Variants in LIPE observed in about 807,000 individuals in gnomAD.
LIPE encodes hormone-sensitive lipase.
LIPE carries 66 observed loss-of-function variants against 88.5 expected under a neutral mutation model. The observed-to-expected ratio is 0.75, with a 90% CI of 0.61 to 0.91. The LOEUF (loss-of-function observed/expected upper bound fraction) is 0.91, where lower values mean the gene tolerates loss of function less well. Among genes scored for constraint, LIPE ranks in the 40% least tolerant of loss-of-function variants. The pLI, the probability that LIPE is intolerant of heterozygous loss-of-function variation, is 0.00. For synonymous variants in LIPE, 570 were observed against 617.5 expected (o/e 0.92, Z 1.14); for missense variants, 1,346 against 1,434.7 (o/e 0.94, Z 1.00).
rs28448880 is a variant in LIPE, at chr19:42,414,096, C to G, written c.884-3254G>C. ...GATCGAGACCATCCTGGCCAACATGCTGAAACCCCGTCTCTACTAAAAATA... is the reference window on the plus strand; with the variant it reads ...GATCGAGACCATCCTGGCCAACATGGTGAAACCCCGTCTCTACTAAAAATA... On this transcript the variant is annotated intron_variant, in intron 1 of 9. Coordinates refer to ENST00000244289, the MANE Select transcript of LIPE (RefSeq NM_005357.4). The surrounding 1 kb of genome is among the most constrained non-coding windows in gnomAD (Gnocchi z 4.6). Among the ~76,000 whole-genome samples, 9,745 of 151,948 alleles carry G rather than the reference C, an allele frequency of 0.064. 975 individuals carry two copies. Among genetic ancestry groups the G allele is most frequent in the African/African-American group, 0.22 (9,028 of 41,396 alleles).
At chr19:42,424,400 C>T (rs563647305) in intron 1 of LIPE, 2 of 456,456 alleles carry the variant, frequency 4.4e-6, no homozygotes, top group African/African-American at 4.0e-5. Context: ...CCAACTGCTT[C>T]TGGACCGCCT....
At position 42,408,168 on chromosome 19, in the gene LIPE, TTGGGCAGGAG is replaced by T. The variant is rs1013306620; in HGVS notation, c.1510+54_1511-48del. The T allele has an allele frequency of 1.5e-5, 25 of 1,613,810 alleles. No individual in the cohort carries two copies. The highest frequency in any genetic ancestry group is 2.0e-5 in the Non-Finnish European group (24 of 1,179,940). ...AGGGAGCCCCAGTGGGTCAGGCTGC[TTGGGCAGGAG>T]TGGGGAGGAGGGCCAAGAGAGTAGG... On this transcript the variant is annotated intron_variant, in intron 3 of 9. Coordinates refer to ENST00000244289, the MANE Select transcript of LIPE (RefSeq NM_005357.4). The surrounding 1 kb of genome is among the most constrained non-coding windows in gnomAD (Gnocchi z 4.3).
At position 42,402,001 on chromosome 19, in the gene LIPE, C is replaced by T. The variant is rs745418144; in HGVS notation, c.3042G>A (p.Val1014=). The change falls in exon 10 of 10, where the codon GTG becomes GTA. Residue 1014 remains valine, a synonymous_variant. Transcript: ENST00000244289. ...GCAGGTCCTCCACCACGCGCAGCGT[C>T]ACCGGCTGGCCCAGGTTGCGCAGTC... ...ARRLRNLGQP[V]TLRVVEDLPH... is the part of the protein sequence containing the mutation. 33 of 1,552,646 alleles carry T rather than the reference C, an allele frequency of 2.1e-5. No individual in the cohort carries two copies. The highest frequency in any genetic ancestry group is 2.9e-5 in the Non-Finnish European group (33 of 1,150,752).
At chr19:42,423,863 C>T (rs1042456575) in intron 1 of LIPE, 90 of 1,124,720 alleles carry the variant, frequency 8.0e-5, no homozygotes, top group Non-Finnish European at 9.6e-5. Flanking sequence ...AGGGAAGTCC[C>T]GATCTTCCCA....
At chr19:42,420,009 CTT>C (rs201890153) in intron 1 of LIPE, among the ~76,000 whole-genome samples, 54 of 128,610 alleles carry the variant, frequency 4.2e-4, no homozygotes, top group Middle Eastern at 7.6e-3. Flanking sequence ...GATTTCTTTT[CTT>C]TTTTTTTTTT....
intron 9 of LIPE, among the ~76,000 whole-genome samples, chr19:42,402,309 C>T (rs1376665364): frequency 6.6e-6 from 1 of 151,960 alleles, no homozygotes; most frequent in East Asian, 1.9e-4. Context: ...CTCTCTCCAG[C>T]CTCTCCCTCC....
chr19:42,402,668 A>C lies in LIPE; in HGVS notation c.2906T>G (p.Phe969Cys), dbSNP rs921879163. Reference sequence around the variant, plus strand: ...GTCGGGTGCCAGCAGCGGCGACATGAAGGGGTTCTTGACTATGGGTGAGGA... The same window carrying C: ...GTCGGGTGCCAGCAGCGGCGACATGCAGGGGTTCTTGACTATGGGTGAGGA... ...LYSSPIVKNP[F>C]MSPLLAPDSM... Residue 969 changes from phenylalanine (F) to cysteine (C), a missense_variant, in exon 9 of 10, where the codon TTC becomes TGC. Phe to Cys is a radical substitution (Grantham distance 205, BLOSUM62 -2). Transcript: ENST00000244289. 8 of 1,500,122 alleles carry C rather than the reference A, an allele frequency of 5.3e-6. No individual in the cohort carries two copies. The highest frequency in any genetic ancestry group is 7.1e-6 in the Non-Finnish European group (8 of 1,122,630). 92.9% of individuals were successfully genotyped at this position (1,500,122 alleles called of 1,614,324 possible). A position where few individuals can be genotyped will look rare whatever the true frequency, so the allele number is the denominator to read the frequency against.
chr19:42,422,457 G>T (rs775782868), intron 1 of LIPE, among the ~76,000 whole-genome samples: 11 of 152,186 alleles, frequency 7.2e-5, no homozygotes, highest in Admixed American at 7.2e-4. Flanking sequence ...GCTCCAGTCC[G>T]TCTGCCCTCT....
chr19:42,420,663 C>G (rs2147664666), intron 1 of LIPE, among the ~76,000 whole-genome samples: 1 of 152,210 alleles, frequency 6.6e-6, no homozygotes, highest in Middle Eastern at 3.4e-3. Context: ...GGCCCTTCTC[C>G]CCACCTCCAC....
chr19:42,406,328 G>A lies in LIPE; in HGVS notation c.2198C>T (p.Thr733Ile). ...GTAGGCTGCTGCCCGAAGAGCCACG[G>A]TGAAGCAGAGGTTCCCGCCTGCACT... ...GDSAGGNLCFTVALRAAAYGV... is the reference protein window; with the variant it reads ...GDSAGGNLCFIVALRAAAYGV... The change falls in exon 7 of 10, where the codon ACC (threonine) becomes ATC (isoleucine). Residue 733 changes from threonine (T) to isoleucine (I), a missense_variant. By Grantham distance (89) the Thr-to-Ile change is moderately conservative. Coordinates refer to ENST00000244289, the MANE Select transcript of LIPE (RefSeq NM_005357.4). The surrounding 1 kb of genome is among the most constrained non-coding windows in gnomAD (Gnocchi z 5.7). 2 of 1,614,212 alleles carry A rather than the reference G, an allele frequency of 1.2e-6. No homozygotes were observed. Among genetic ancestry groups the A allele is most frequent in the Non-Finnish European group, 1.7e-6 (2 of 1,180,032 alleles).
chr19:42,402,819 CTGCAT>C lies in LIPE; in HGVS notation c.2750_2754del (p.Asp917GlyfsTer5). 6.2e-7 allele frequency: 1 copy of C among 1,613,488 alleles called. No individual in the cohort carries two copies. On this transcript the variant is annotated frameshift_variant, in exon 9 of 10. Coordinates refer to ENST00000244289, the MANE Select transcript of LIPE (RefSeq NM_005357.4). LOFTEE classifies it high-confidence loss of function. Reference sequence around the variant, plus strand: ...TCATTTTTGGCCTCAGCCTCTTCCCCTGCATCCTCAGGTGGTAATAAGAAGTTGAC... The same window carrying C: ...TCATTTTTGGCCTCAGCCTCTTCCCCCCTCAGGTGGTAATAAGAAGTTGAC...
At position 42,413,947 on chromosome 19, in the gene LIPE, G is replaced by A. The variant is rs149687600; in HGVS notation, c.884-3105C>T. On this transcript the variant is annotated intron_variant, in intron 1 of 9. Transcript: ENST00000244289. The stretch of plus-strand genomic sequence containing the variant: ...GCTGGCAGACAGATGGATAGACAGA[G>A]GCCTCAGGAGGCAGTGTTAGGCTTG... Among the ~76,000 whole-genome samples, 92 of 152,326 alleles carry A rather than the reference G, an allele frequency of 6.0e-4. 1 individual carries two copies. The highest frequency in any genetic ancestry group is 1.0e-3 in the Non-Finnish European group (68 of 68,038).
At chr19:42,412,661 A>T (rs2040407672) in intron 1 of LIPE, 1 of 719,868 alleles carries the variant, frequency 1.4e-6, no homozygotes, top group Non-Finnish European at 1.7e-6. Flanking sequence ...CCTCCCTCAG[A>T]CCCAGGAGTC....
At position 42,415,669 on chromosome 19, in the gene LIPE, G is replaced by A. The variant is rs561161831; in HGVS notation, c.884-4827C>T. Among the ~76,000 whole-genome samples the A allele has an allele frequency of 1.7e-3, 263 of 152,256 alleles. 1 individual carries two copies. Among genetic ancestry groups the A allele is most frequent in the Non-Finnish European group, 3.0e-3 (204 of 68,024 alleles). ...ACTAAAAATACAAAAAATCAGCCGGGCGTGGTGGTGGGTGCCTGTAGTCCC... is the reference window on the plus strand; with the variant it reads ...ACTAAAAATACAAAAAATCAGCCGGACGTGGTGGTGGGTGCCTGTAGTCCC... On this transcript the variant is annotated intron_variant, in intron 1 of 9. Transcript: ENST00000244289.
chr19:42,405,481 G>T lies in LIPE; in HGVS notation c.2446C>A (p.Leu816Ile). 6.2e-7 allele frequency: 1 copy of T among 1,614,068 alleles called. No homozygotes were observed. The highest frequency in any genetic ancestry group is 8.5e-7 in the Non-Finnish European group (1 of 1,179,970). Reference protein sequence around the residue: ...MGLVRRDTALLLRDFRLGASS... With the variant: ...MGLVRRDTALILRDFRLGASS... ...GCACCCAGGCGGAAGTCTCGGAGGA[G>T]CAGGGCTGTGTCCCGCCGCACCAGC... The change falls in exon 8 of 10, where the codon CTC (leucine) becomes ATC (isoleucine). Residue 816 changes from leucine to isoleucine, a missense_variant. Leu to Ile is a conservative substitution (Grantham distance 5, BLOSUM62 2). Coordinates refer to ENST00000244289, the MANE Select transcript of LIPE (RefSeq NM_005357.4).
intron 1 of LIPE, among the ~76,000 whole-genome samples, chr19:42,414,000 T>G (rs1232359480): frequency 6.6e-6 from 1 of 152,140 alleles, no homozygotes; most frequent in East Asian, 1.9e-4. Flanking sequence ...CGATGTGGGC[T>G]AGGCACAGTG....
chr19:42,406,360 C>G lies in LIPE; in HGVS notation c.2166G>C (p.Ala722=). ...AGAGGTTCCCGCCTGCACTGTCCCC[C>G]GCAAGGCAGATTCGTTCCCCTGTTG... ...LGSTGERICL[A]GDSAGGNLCF... is the part of the protein sequence containing the mutation. Residue 722 remains alanine (A), a synonymous_variant, in exon 7 of 10, where the codon GCG becomes GCC. Coordinates refer to ENST00000244289, the MANE Select transcript of LIPE (RefSeq NM_005357.4). This position sits in a 1 kb window ranked among gnomAD's most constrained non-coding sequence, Gnocchi z 5.7. 1.9e-6 allele frequency: 3 copies of G among 1,613,806 alleles called. No individual in the cohort carries two copies. Among genetic ancestry groups the G allele is most frequent in the South Asian group, 1.1e-5 (1 of 91,072 alleles).
intron 1 of LIPE, chr19:42,423,950 G>A: frequency 8.6e-7 from 1 of 1,167,486 alleles, no homozygotes; most frequent in Non-Finnish European, 1.1e-6. Flanking sequence ...GCCCTAGCAC[G>A]CGGCCCGGCC....
In LIPE at chr19:42,401,896, G is replaced by A. The variant is rs1327693429; in HGVS notation, c.3147C>T (p.Leu1049=). Reference sequence around the variant, plus strand: ...CGGCTCCGGCGGGAGGAGTGAGGACGAGGCGGATGCGCTCCACGCACAGCT... The same window carrying A: ...CGGCTCCGGCGGGAGGAGTGAGGACAAGGCGGATGCGCTCCACGCACAGCT... ...AAELCVERIR[L]VLTPPAGAGP... Residue 1049 remains leucine, a synonymous_variant, in exon 10 of 10, where the codon CTC becomes CTT. Coordinates refer to ENST00000244289, the MANE Select transcript of LIPE (RefSeq NM_005357.4). 14 of 1,543,550 alleles carry A rather than the reference G, an allele frequency of 9.1e-6. No individual in the cohort carries two copies. The highest frequency in any genetic ancestry group is 1.9e-5 in the Admixed American group (1 of 51,290).
Sources: gnomAD v4.1 joint callset for allele counts (sites outside exome capture counted in the v4.1 genomes callset) on GRCh38, gnomAD v4.1.1 for gene constraint, Gnocchi (gnomAD v3.1) non-coding constraint, MANE v1.5 for transcripts, NCBI Gene and HGNC (gene_info 2026-07-23, HGNC 2026-07-21) for gene names.